Variants in ARHGAP21 observed in about 807,000 individuals in gnomAD.
The protein encoded by ARHGAP21 is Rho GTPase activating protein 21.
In ARHGAP21, 38 loss-of-function variants were observed where a neutral mutation model predicts 164.6. The observed-to-expected ratio is 0.23, with a 90% CI of 0.18 to 0.30. The LOEUF (loss-of-function observed/expected upper bound fraction) is 0.30, where lower values mean the gene tolerates loss of function less well. Among genes scored for constraint, ARHGAP21 ranks in the 10% least tolerant of loss-of-function variants. ARHGAP21 has a pLI of 1.00. For missense variants in ARHGAP21, 1,822 were observed against 2,370.7 expected (o/e 0.77, Z 4.81); for synonymous variants, 766 against 857.9 (o/e 0.89, Z 1.87).
chr10:24,594,600 TTA>T (rs375322968), intron 21 of ARHGAP21, among the ~76,000 whole-genome samples: 3 of 140,566 alleles, frequency 2.1e-5, no homozygotes, highest in Non-Finnish European at 3.1e-5. Flanking sequence ...ACTTATCTGT[TTA>T]TGTCTGTTTT....
At chr10:24,635,160 T>G in intron 4 of ARHGAP21, 57 bp from the exon 5 acceptor site, 1 of 1,104,720 alleles carries the variant, frequency 9.1e-7, no homozygotes, top group Non-Finnish European at 1.3e-6. Context: ...CTAAAATACC[T>G]AAATATAAAA....
intron 2 of ARHGAP21, among the ~76,000 whole-genome samples, chr10:24,681,454 C>T (rs999792351): frequency 3.3e-5 from 5 of 152,170 alleles, no homozygotes; most frequent in African/African-American, 1.2e-4. Context: ...ATATATAAGT[C>T]CTAATCTATC....
intron 2 of ARHGAP21, among the ~76,000 whole-genome samples, chr10:24,702,333 G>T (rs894214875): frequency 6.6e-6 from 1 of 151,534 alleles, no homozygotes; most frequent in Non-Finnish European, 1.5e-5. Flanking sequence ...GGGTTTCACC[G>T]TGTTAGCCAG....
chr10:24,684,194 C>T (rs1024166384), intron 2 of ARHGAP21, among the ~76,000 whole-genome samples: 1 of 151,546 alleles, frequency 6.6e-6, no homozygotes, highest in Non-Finnish European at 1.5e-5. Context: ...GGCCGAGGTA[C>T]AAGAATCACT....
At chr10:24,591,486 T>TACTTGTATATTCATTAGATCA in intron 23 of ARHGAP21, 156 bp from the exon 24 acceptor site, 1 of 1,126,680 alleles carries the variant, frequency 8.9e-7, no homozygotes, top group Non-Finnish European at 1.3e-6. Flanking sequence ...ATAAGCACCG[T>TACTTGTATATTCATTAGATCA]ACTTGTATAT....
At chr10:24,675,244 GAAATA>G (rs1374762751) in intron 2 of ARHGAP21, among the ~76,000 whole-genome samples, 3 of 152,174 alleles carry the variant, frequency 2.0e-5, no homozygotes, top group Non-Finnish European at 4.4e-5. Flanking sequence ...TCAATAAAAT[GAAATA>G]AACTATTGAT....
intron 2 of ARHGAP21, among the ~76,000 whole-genome samples, chr10:24,713,389 T>C (rs897690712): frequency 3.6e-4 from 55 of 152,274 alleles, no homozygotes; most frequent in African/African-American, 1.3e-3. Context: ...ACTCAGCAGC[T>C]AGTCACCAGG....
At chr10:24,595,625 G>C in intron 19 of ARHGAP21, 92 bp downstream of exon 19, 3 of 1,311,012 alleles carry the variant, frequency 2.3e-6, no homozygotes, top group Non-Finnish European at 3.2e-6. Flanking sequence ...CTTTGACCAA[G>C]ACATTTTGTC....
intron 17 of ARHGAP21, 108 bp from the exon 18 acceptor site, chr10:24,596,151 T>G: frequency 1.1e-6 from 1 of 942,234 alleles, no homozygotes; most frequent in Middle Eastern, 2.2e-4. Context: ...AAATTGCTGT[T>G]ATGTAATATA....
In ARHGAP21 at chr10:24,600,634, T is replaced by C. The variant is rs201797481; in HGVS notation, c.3132+12A>G. On this transcript the variant is annotated intron_variant, in intron 14 of 25. Transcript: ENST00000396432. The stretch of plus-strand genomic sequence containing the variant: ...AGGGTCAGATTTCTCCAGCATTCCT[T>C]TGAACACCCACCTCTTCGTTTAGGT... 9.9e-6 allele frequency: 16 copies of C among 1,610,530 alleles called. No homozygotes were observed. In the East Asian group the frequency reaches 3.1e-4, roughly 31 times the overall value.
intron 25 of ARHGAP21, among the ~76,000 whole-genome samples, chr10:24,588,466 A>C (rs896407110): frequency 8.1e-6 from 1 of 123,276 alleles, no homozygotes; most frequent in Non-Finnish European, 1.9e-5. Context: ...GCTGGGCAAA[A>C]AGATAAACAT....
intron 2 of ARHGAP21, among the ~76,000 whole-genome samples, chr10:24,675,705 A>AAC (rs1841148621): frequency 6.6e-6 from 1 of 152,208 alleles, no homozygotes; most frequent in Non-Finnish European, 1.5e-5. Context: ...ATCTGGGGAA[A>AAC]ACACACACAT....
At chr10:24,649,840 C>T (rs906146230) in intron 4 of ARHGAP21, among the ~76,000 whole-genome samples, 3 of 152,098 alleles carry the variant, frequency 2.0e-5, no homozygotes, top group South Asian at 2.1e-4. Context: ...AAAAAAATTC[C>T]GCTTACCATG....
intron 8 of ARHGAP21, among the ~76,000 whole-genome samples, chr10:24,621,826 G>A (rs4262623): frequency 0.52 from 77,007 of 147,996 alleles, 19,666 homozygotes; most frequent in Middle Eastern, 0.58. Flanking sequence ...AATAAATTAA[G>A]TCTAATTTAT....
intron 4 of ARHGAP21, among the ~76,000 whole-genome samples, chr10:24,636,316 G>A (rs139632954): frequency 3.4e-4 from 52 of 152,284 alleles, no homozygotes; most frequent in African/African-American, 1.2e-3. Flanking sequence ...TGTGGTCCCA[G>A]GACCAGCAGC....
chr10:24,585,076 T>C lies in ARHGAP21; in HGVS notation c.5213A>G (p.Lys1738Arg). Residue 1738 changes from lysine (K) to arginine (R), a missense_variant, in exon 26 of 26, where the codon AAA (lysine) becomes AGA (arginine). Lys to Arg is a conservative substitution (Grantham distance 26). This residue lies in a region of ARHGAP21 where 117 missense variants were observed against 193.2 expected (regional missense o/e 0.61). Transcript: ENST00000396432. Reference sequence around the variant, plus strand: ...TAAACTCCCAGTTGACTTTCCTTTTTTCATAACATCAAACACTTTAGTTAA... The same window carrying C: ...TAAACTCCCAGTTGACTTTCCTTTTCTCATAACATCAAACACTTTAGTTAA... ...PSLTKVFDVMKKGKSTGSLLT... is the reference protein window; with the variant it reads ...PSLTKVFDVMRKGKSTGSLLT... 1 of 1,613,808 alleles carries C rather than the reference T, an allele frequency of 6.2e-7. No individual in the cohort carries two copies.
chr10:24,667,471 T>C (rs910674426), intron 3 of ARHGAP21, among the ~76,000 whole-genome samples: 3 of 152,202 alleles, frequency 2.0e-5, no homozygotes, highest in African/African-American at 4.8e-5. Flanking sequence ...TATAAATGGA[T>C]TGGTCCCAAA....
Position 24,597,385 on chromosome 10 carries a change from G to T in ARHGAP21, c.3334+62C>A, listed in dbSNP as rs764710153. ...TAGAAATGGTACAGAAAACATAAAC[G>T]TACCTCAACGATGCCAATTTTAAAT... On this transcript the variant is annotated intron_variant, in intron 16 of 25. Coordinates refer to ENST00000396432, the MANE Select transcript of ARHGAP21 (RefSeq NM_020824.4). The T allele has an allele frequency of 1.9e-6, 3 of 1,564,000 alleles. No homozygotes were observed. In the African/African-American group the frequency reaches 4.1e-5, roughly 21 times the overall value.
chr10:24,670,443 C>A, intron 2 of ARHGAP21, 46 bp from the exon 3 acceptor site: 1 of 1,296,496 alleles, frequency 7.7e-7, no homozygotes, highest in Non-Finnish European at 1.0e-6. Context: ...ACACAATATA[C>A]TTCCTCATCT....
Sources: allele counts gnomAD v4.1 joint callset (sites outside exome capture counted in the v4.1 genomes callset), GRCh38; gene constraint gnomAD v4.1.1; regional missense constraint gnomAD v4.1.1; transcripts MANE v1.5; gene names NCBI Gene and HGNC (gene_info 2026-07-23, HGNC 2026-07-21).